EGLN2: variants seen among roughly 807,000 people sequenced by gnomAD.
The protein encoded by EGLN2 is prolyl hydroxylase EGLN2.
Under a neutral mutation model 38.2 loss-of-function variants are expected in EGLN2, and 15 were observed. The observed-to-expected ratio is 0.39, with a 90% CI of 0.26 to 0.60. The LOEUF (loss-of-function observed/expected upper bound fraction) is 0.60. EGLN2 is among the 20% of genes least tolerant of loss of function. The pLI is 0.50. For missense variants in EGLN2, 492 were observed against 570.4 expected, an observed-to-expected ratio of 0.86 and a Z score of 1.40; for synonymous variants, 284 against 237.4, an observed-to-expected ratio of 1.20 and a Z score of -1.81.
intron 2 of EGLN2, 23 bp downstream of exon 2, chr19:40,801,438 T>C: frequency 6.3e-7 from 1 of 1,588,832 alleles, no homozygotes; most frequent in Non-Finnish European, 8.5e-7. Context: ...GGGGGCCTCT[T>C]TGGAGGGGCT....
rs2083246065 is a variant in EGLN2 at position 40,800,449 on chromosome 19, T to G, written c.-124T>G. 2.1e-6 allele frequency: 3 copies of G among 1,400,938 alleles called. No homozygotes were observed. Among genetic ancestry groups the G allele is most frequent in the Non-Finnish European group, 2.8e-6 (3 of 1,065,684 alleles). The allele number at this position is 1,400,938 out of a possible 1,614,324, so 86.8% of individuals were successfully genotyped here. On this transcript the variant is annotated 5_prime_UTR_variant, in exon 2 of 6. Transcript: ENST00000303961. ...TCTTGCTGTCTGCCCTGCCTCACCC[T>G]GCCCCACGCCAGGCCCGGTGGCCCC...
rs763264629 is a variant in EGLN2 at position 40,806,661 on chromosome 19, A to G, written c.950A>G (p.Asn317Ser). The change falls in exon 3 of 6, where the codon AAC becomes AGC. Residue 317 changes from asparagine to serine, a missense_variant. Around this residue, in one of 2 missense-constraint regions of EGLN2, gnomAD observed 114 missense variants for 184.2 expected, o/e 0.62. Coordinates refer to ENST00000303961, the MANE Select transcript of EGLN2 (RefSeq NM_080732.4). ...ACCTGTATCTATTACCTGAATCAGA[A>G]CTGGGACGTTAAGGTAGGGGTGAGG... ...CITCIYYLNQNWDVKVHGGLL... is the reference protein window; with the variant it reads ...CITCIYYLNQSWDVKVHGGLL... The G allele has an allele frequency of 1.2e-6, 2 of 1,613,740 alleles. No individual in the cohort carries two copies. The highest frequency in any genetic ancestry group is 1.3e-5 in the African/African-American group (1 of 74,876).
chr19:40,799,696 C>G (rs1161713684), intron 1 of EGLN2: 1 of 152,078 alleles, frequency 6.6e-6, no homozygotes, highest in Non-Finnish European at 1.5e-5. Flanking sequence ...CCCCGAGGGC[C>G]CCTCCCGTCG....
In EGLN2 at chr19:40,806,551, C is replaced by T. The variant is rs1229660000; in HGVS notation, c.844-4C>T. 3 of 1,613,914 alleles carry T rather than the reference C, an allele frequency of 1.9e-6. No individual in the cohort carries two copies. The highest frequency in any genetic ancestry group is 3.3e-5 in the Admixed American group (2 of 59,988). ...GTAAACCTACCTCCCTCCATCCCTG[C>T]CAGGCCATGGTGGCGTGTTACCCAG... On this transcript the variant is annotated splice_polypyrimidine_tract_variant and splice_region_variant and intron_variant, in intron 2 of 5. Coordinates refer to ENST00000303961, the MANE Select transcript of EGLN2 (RefSeq NM_080732.4).
rs377663762 is a variant in EGLN2, at chr19:40,801,365, C to T, written c.793C>T (p.Arg265Cys). The T allele has an allele frequency of 1.6e-5, 25 of 1,610,722 alleles. 1 individual carries two copies. The highest frequency in any genetic ancestry group is 6.7e-5 in the East Asian group (3 of 44,896). The change falls in exon 2 of 6, where the codon CGC becomes TGC. Residue 265 changes from arginine to cysteine, a missense_variant. Arg to Cys is a radical substitution (Grantham distance 180). This residue lies in a region of EGLN2 where 378 missense variants were observed against 386.2 expected (regional missense o/e 0.98). Coordinates refer to ENST00000303961, the MANE Select transcript of EGLN2 (RefSeq NM_080732.4). ...ALMAHVDAVI[R>C]HCAGRLGSYV... ...CATGGCCCATGTGGACGCCGTCATC[C>T]GCCACTGCGCAGGGCGGCTGGGCAG...
chr19:40,802,899 T>C (rs2083273196), intron 2 of EGLN2, among the ~76,000 whole-genome samples: 1 of 152,270 alleles, frequency 6.6e-6, no homozygotes, highest in African/African-American at 2.4e-5. Flanking sequence ...GATCCCATCT[T>C]GGGTTCTGCT....
intron 2 of EGLN2, among the ~76,000 whole-genome samples, chr19:40,801,651 C>CTTTTTTTTTTTTTTTTTT (rs58809253): frequency 1.1e-3 from 117 of 102,686 alleles, no homozygotes; most frequent in Non-Finnish European, 1.5e-3. Flanking sequence ...CACAGTGGTT[C>CTTTTTTTTTTTTTTTTTT]TTTTTTTTTT....
intron 4 of EGLN2, 40 bp downstream of exon 4, chr19:40,807,314 CCT>C (rs1490602457): frequency 3.7e-6 from 6 of 1,613,118 alleles, no homozygotes; most frequent in African/African-American, 2.7e-5. Flanking sequence ...AGGTGCTCCC[CCT>C]GTGACAATGT....
At chr19:40,803,548 G>A (rs1015754150) in intron 2 of EGLN2, among the ~76,000 whole-genome samples, 3 of 152,158 alleles carry the variant, frequency 2.0e-5, no homozygotes, top group African/African-American at 7.2e-5. Flanking sequence ...GTGCTCAGGT[G>A]GGCTGCAGCA....
chr19:40,800,578 C>G lies in EGLN2; in HGVS notation c.6C>G (p.Asp2Glu), dbSNP rs775547797. The G allele has an allele frequency of 1.0e-5, 16 of 1,596,322 alleles. 1 individual carries two copies. In the Admixed American group the frequency reaches 2.7e-4, roughly 27 times the overall value. M[D>E]SPCQPQPLSQ... ...GGGATGAAGACACTGCTGCCATGGA[C>G]AGCCCGTGCCAGCCGCAGCCCCTAA... is the stretch of plus-strand genomic sequence containing the variant. Residue 2 changes from aspartate (D) to glutamate (E), a missense_variant, in exon 2 of 6, where the codon GAC becomes GAG. Physicochemically the swap from Asp to Glu is conservative, Grantham distance 45 (BLOSUM62 2). Transcript: ENST00000303961.
intron 1 of EGLN2, 199 bp downstream of exon 1, chr19:40,799,461 G>T (rs2083233777): frequency 6.7e-6 from 1 of 148,202 alleles, no homozygotes; most frequent in African/African-American, 2.5e-5. Context: ...TTGGGGTGGG[G>T]GCGGGGAGCG....
Position 40,800,477 on chromosome 19 carries a change from G to C in EGLN2, c.-96G>C. On this transcript the variant is annotated 5_prime_UTR_variant, in exon 2 of 6. Coordinates refer to ENST00000303961, the MANE Select transcript of EGLN2 (RefSeq NM_080732.4). ...CCCACGCCAGGCCCGGTGGCCCCCA[G>C]CTGCATCAAGTGGAGGCGGAGGAGG... The C allele has an allele frequency of 6.9e-7, 1 of 1,449,716 alleles. No individual in the cohort carries two copies. The highest frequency in any genetic ancestry group is 1.4e-5 in the South Asian group (1 of 72,158). The allele number at this position is 1,449,716 out of a possible 1,614,324, so 89.8% of individuals were successfully genotyped here. A position where few individuals can be genotyped will look rare whatever the true frequency, so the allele number is the denominator to read the frequency against.
In EGLN2 at chr19:40,800,464, C is replaced by T. The variant is rs963196559; in HGVS notation, c.-109C>T. ...TGCCTCACCCTGCCCCACGCCAGGC[C>T]CGGTGGCCCCCAGCTGCATCAAGTG... On this transcript the variant is annotated 5_prime_UTR_variant, in exon 2 of 6. Transcript: ENST00000303961. 12 of 1,435,124 alleles carry T rather than the reference C, an allele frequency of 8.4e-6. No homozygotes were observed. The African/African-American group carries it at 1.1e-4, about 14-fold the overall frequency. 88.9% of individuals were successfully genotyped at this position (1,435,124 alleles called of 1,614,324 possible). A position where few individuals can be genotyped will look rare whatever the true frequency, so the allele number is the denominator to read the frequency against.
intron 2 of EGLN2, chr19:40,805,308 C>T (rs918093478): frequency 3.9e-5 from 6 of 152,238 alleles, no homozygotes; most frequent in African/African-American, 1.4e-4. Flanking sequence ...TGTGCTACCT[C>T]ATCTTGCCAC....
At chr19:40,799,712 T>G (rs2083236669) in intron 1 of EGLN2, 1 of 151,994 alleles carries the variant, frequency 6.6e-6, no homozygotes, top group Non-Finnish European at 1.5e-5. Context: ...CGTCGGTCAG[T>G]CTCGGGACCT....
chr19:40,807,907 C>T lies in EGLN2; in HGVS notation c.*43C>T. ...GCATGGCAGACAGCTTAAATGACTT[C>T]AGGAGAGCCCTGGGCCTGTGCTGGC... On this transcript the variant is annotated 3_prime_UTR_variant, in exon 6 of 6. Transcript: ENST00000303961. 1 of 1,595,180 alleles carries T rather than the reference C, an allele frequency of 6.3e-7. No individual in the cohort carries two copies. Among genetic ancestry groups the T allele is most frequent in the African/African-American group, 1.3e-5 (1 of 74,634 alleles).
intron 3 of EGLN2, 141 bp downstream of exon 3, chr19:40,806,815 T>TCGCA: frequency 8.4e-7 from 1 of 1,192,416 alleles, no homozygotes; most frequent in Non-Finnish European, 1.2e-6. Flanking sequence ...GGCAGTGCGA[T>TCGCA]CTGCCGGCTC....
intron 2 of EGLN2, among the ~76,000 whole-genome samples, 156 bp downstream of exon 2, chr19:40,801,571 TG>T (rs369233243): frequency 2.7e-5 from 4 of 150,260 alleles, no homozygotes; most frequent in East Asian, 2.0e-4. Flanking sequence ...TGTGGGGACT[TG>T]GGGGGGTCTT....
rs914758331 is a variant in EGLN2 at position 40,808,134 on chromosome 19, C to T, written c.*270C>T. ...GCTGGGGGCCTGGGTCCTACCCTGTCTGGTCATGACCCCATTAGGTATGGA... is the reference window on the plus strand; with the variant it reads ...GCTGGGGGCCTGGGTCCTACCCTGTTTGGTCATGACCCCATTAGGTATGGA... On this transcript the variant is annotated 3_prime_UTR_variant, in exon 6 of 6. Coordinates refer to ENST00000303961, the MANE Select transcript of EGLN2 (RefSeq NM_080732.4). The T allele has an allele frequency of 1.1e-5, 6 of 563,188 alleles. No homozygotes were observed. Among genetic ancestry groups the T allele is most frequent in the Non-Finnish European group, 1.6e-5 (5 of 316,022 alleles). The allele number at this position is 563,188 out of a possible 1,614,324, so 34.9% of individuals were successfully genotyped here. A position where few individuals can be genotyped will look rare whatever the true frequency, so the allele number is the denominator to read the frequency against.
Sources: gnomAD v4.1 joint callset for allele counts (sites outside exome capture counted in the v4.1 genomes callset) on GRCh38, gnomAD v4.1.1 for gene constraint, gnomAD v4.1.1 regional missense constraint, MANE v1.5 for transcripts, NCBI Gene and HGNC (gene_info 2026-07-23, HGNC 2026-07-21) for gene names.